GPATCH2: variants seen among roughly 807,000 people sequenced by gnomAD.
GPATCH2 encodes G-patch domain containing 2.
In GPATCH2, 51 loss-of-function variants were observed where a neutral mutation model predicts 58.0. That is an observed-to-expected ratio of 0.88 (90% CI 0.70 to 1.11). GPATCH2 has a LOEUF of 1.11. GPATCH2 is among the 50% of genes most tolerant of loss of function. GPATCH2 has a pLI of 0.00. For synonymous variants in GPATCH2, 222 were observed against 218.5 expected, an observed-to-expected ratio of 1.02 and a Z score of -0.14; for missense variants, 625 against 652.2, an observed-to-expected ratio of 0.96 and a Z score of 0.45.
At chr1:217,605,338 T>C (rs1186494646) in intron 5 of GPATCH2, among the ~76,000 whole-genome samples, 1 of 152,210 alleles carries the variant, frequency 6.6e-6, no homozygotes, top group Non-Finnish European at 1.5e-5. Flanking sequence ...GCATGATAAA[T>C]TGGATTAAGA....
chr1:217,475,755 A>G (rs1377198003), intron 8 of GPATCH2, among the ~76,000 whole-genome samples: 1 of 152,224 alleles, frequency 6.6e-6, no homozygotes, highest in Admixed American at 6.5e-5. Flanking sequence ...TCCCAACTAA[A>G]TCAATTAATG....
intron 2 of GPATCH2, among the ~76,000 whole-genome samples, chr1:217,616,807 A>T (rs1306964149): frequency 6.6e-6 from 1 of 152,192 alleles, no homozygotes; most frequent in Non-Finnish European, 1.5e-5. Context: ...ATGAACAAAT[A>T]TATGTACACT....
chr1:217,629,417 G>T (rs893161430), intron 1 of GPATCH2, among the ~76,000 whole-genome samples: 2 of 152,094 alleles, frequency 1.3e-5, no homozygotes, highest in Non-Finnish European at 2.9e-5. Flanking sequence ...AATTGAAGGA[G>T]GTTTCTCTCA....
intron 5 of GPATCH2, among the ~76,000 whole-genome samples, chr1:217,565,737 C>A (rs560220103): frequency 6.8e-6 from 1 of 146,430 alleles, no homozygotes; most frequent in Non-Finnish European, 1.5e-5. Context: ...TGAAACTTAA[C>A]GTATAAATAA....
intron 6 of GPATCH2, among the ~76,000 whole-genome samples, chr1:217,509,411 C>T (rs1558443999): frequency 6.6e-6 from 1 of 152,166 alleles, no homozygotes; most frequent in African/African-American, 2.4e-5. Context: ...CCCTACCTCA[C>T]CCGCTCCCAG....
chr1:217,567,594 G>A (rs1666312429), intron 5 of GPATCH2, among the ~76,000 whole-genome samples: 1 of 152,212 alleles, frequency 6.6e-6, no homozygotes, highest in South Asian at 2.1e-4. Flanking sequence ...TAATGCAGGA[G>A]AAATGCCCAT....
At chr1:217,472,793 G>A (rs554874566) in intron 8 of GPATCH2, among the ~76,000 whole-genome samples, 8 of 152,280 alleles carry the variant, frequency 5.3e-5, no homozygotes, top group African/African-American at 1.7e-4. Flanking sequence ...AAAAGAGATT[G>A]AAAATTGCAG....
intron 5 of GPATCH2, among the ~76,000 whole-genome samples, chr1:217,577,543 A>G (rs926375295): frequency 7.9e-5 from 12 of 152,212 alleles, no homozygotes; most frequent in Non-Finnish European, 4.4e-5. Flanking sequence ...AATTAGTATT[A>G]GCTTCAGCTA....
At chr1:217,589,092 A>G (rs1667472932) in intron 5 of GPATCH2, among the ~76,000 whole-genome samples, 1 of 152,166 alleles carries the variant, frequency 6.6e-6, no homozygotes, top group African/African-American at 2.4e-5. Context: ...TCATTTCAAC[A>G]TCTAAGAAAC....
chr1:217,591,985 TTTATA>T (rs1252787183), intron 5 of GPATCH2, among the ~76,000 whole-genome samples: 5 of 142,892 alleles, frequency 3.5e-5, no homozygotes, highest in Non-Finnish European at 6.1e-5. Flanking sequence ...AGTAATATAT[TTTATA>T]TTAAAGACTT....
intron 5 of GPATCH2, among the ~76,000 whole-genome samples, chr1:217,531,774 C>G (rs1297055307): frequency 6.6e-6 from 1 of 152,088 alleles, no homozygotes; most frequent in Non-Finnish European, 1.5e-5. Flanking sequence ...GGGTAGCACA[C>G]TGTTAAGAAA....
At chr1:217,564,384 C>T (rs1666101501) in intron 5 of GPATCH2, among the ~76,000 whole-genome samples, 1 of 152,148 alleles carries the variant, frequency 6.6e-6, no homozygotes, top group Non-Finnish European at 1.5e-5. Context: ...AGTAGGGCAA[C>T]ACTACTGTAG....
At chr1:217,546,329 C>G (rs1202652348) in intron 5 of GPATCH2, among the ~76,000 whole-genome samples, 1 of 152,068 alleles carries the variant, frequency 6.6e-6, no homozygotes, top group Non-Finnish European at 1.5e-5. Context: ...AAGAACAAAG[C>G]TGGAGACATC....
chr1:217,518,106 C>T (rs57056105), intron 5 of GPATCH2, among the ~76,000 whole-genome samples: 137 of 152,086 alleles, frequency 9.0e-4, no homozygotes, highest in African/African-American at 2.0e-3. Flanking sequence ...TTTTATTAGA[C>T]GCTTATCACA....
intron 8 of GPATCH2, among the ~76,000 whole-genome samples, chr1:217,484,602 T>C (rs1381426836): frequency 6.7e-6 from 1 of 148,622 alleles, no homozygotes; most frequent in African/African-American, 2.4e-5. Flanking sequence ...CGTGTGCATA[T>C]ATATGTATAC....
intron 8 of GPATCH2, among the ~76,000 whole-genome samples, chr1:217,455,811 T>C (rs1263039219): frequency 6.6e-6 from 1 of 151,976 alleles, no homozygotes; most frequent in Non-Finnish European, 1.5e-5. Context: ...CACACCTCCC[T>C]ATCCTGTACC....
At chr1:217,563,469 T>C (rs1285602559) in intron 5 of GPATCH2, among the ~76,000 whole-genome samples, 2 of 152,132 alleles carry the variant, frequency 1.3e-5, no homozygotes, top group African/African-American at 2.4e-5. Context: ...AGAAAAAACC[T>C]AGAGGTTAAT....
chr1:217,516,908 C>T (rs768130244), intron 5 of GPATCH2, among the ~76,000 whole-genome samples: 1 of 152,164 alleles, frequency 6.6e-6, no homozygotes, highest in Non-Finnish European at 1.5e-5. Context: ...CTTGCTCTGG[C>T]TTGAAATACA....
At chr1:217,550,819 T>G (rs1461419084) in intron 5 of GPATCH2, among the ~76,000 whole-genome samples, 1 of 151,258 alleles carries the variant, frequency 6.6e-6, no homozygotes, top group Non-Finnish European at 1.5e-5. Flanking sequence ...AAAATATCTG[T>G]GATATTATAC....
Sources: gnomAD v4.1 joint callset for allele counts (sites outside exome capture counted in the v4.1 genomes callset) on GRCh38, gnomAD v4.1.1 for gene constraint, MANE v1.5 for transcripts, NCBI Gene and HGNC (gene_info 2026-07-23, HGNC 2026-07-21) for gene names.